Variants in WBP2NL observed in about 807,000 individuals in gnomAD.
WBP2NL encodes the protein WBP2 N-terminal like, also known as postacrosomal sheath WW domain-binding protein.
A neutral mutation model predicts 23.3 loss-of-function variants in WBP2NL; 27 were observed. The ratio of observed to expected loss-of-function variants is 1.16; its 90% CI spans 0.85 to 1.60. The LOEUF (loss-of-function observed/expected upper bound fraction) is 1.60. WBP2NL is among the 40% of genes most tolerant of loss of function. The probability of loss-of-function intolerance (pLI) is 0.00; values close to 1 mark genes in which losing one functional copy is unlikely to be tolerated. For missense variants in WBP2NL, 370 were observed against 389.5 expected (o/e 0.95, Z 0.42); for synonymous variants, 151 against 145.9 (o/e 1.03, Z -0.25).
intron 5 of WBP2NL, among the ~76,000 whole-genome samples, chr22:42,026,014 G>T (rs529697328): frequency 1.4e-4 from 22 of 152,268 alleles, no homozygotes; most frequent in Non-Finnish European, 1.5e-4. Flanking sequence ...GCTCACGCCT[G>T]TAATCCCAGC....
chr22:42,046,032 A>G (rs12157906), intron 8 of WBP2NL, among the ~76,000 whole-genome samples: 14 of 152,310 alleles, frequency 9.2e-5, no homozygotes, highest in African/African-American at 3.1e-4. Context: ...CCAATGTGTA[A>G]TATTTAAACT....
rs1457844683 is a variant in WBP2NL, at chr22:42,028,019, T to C, written c.*838T>C. 2.5e-6 allele frequency: 1 copy of C among 398,406 alleles called. No individual in the cohort carries two copies. Among genetic ancestry groups the C allele is most frequent in the Non-Finnish European group, 4.4e-6 (1 of 226,040 alleles). The allele number at this position is 398,406 out of a possible 1,614,324, so 24.7% of individuals were successfully genotyped here. On this transcript the variant is annotated 3_prime_UTR_variant, in exon 6 of 6. Coordinates refer to ENST00000328823, the MANE Select transcript of WBP2NL (RefSeq NM_152613.3). ...AAAGATTTACAAATATTAAAACTCT[T>C]GATATGGCACTTTCACATTTTAAAA...
At chr22:42,054,216 C>T (rs1180404380) in intron 8 of WBP2NL, among the ~76,000 whole-genome samples, 1 of 151,910 alleles carries the variant, frequency 6.6e-6, no homozygotes, top group Non-Finnish European at 1.5e-5. Flanking sequence ...GAGACAGAGT[C>T]TCACACTGTC....
downstream of WBP2NL, among the ~76,000 whole-genome samples, chr22:42,034,783 A>G (rs1427517498): frequency 6.6e-6 from 1 of 152,210 alleles, no homozygotes; most frequent in Non-Finnish European, 1.5e-5. Flanking sequence ...ATGCTGAGAA[A>G]GGAATTCAGT....
intron 1 of WBP2NL, among the ~76,000 whole-genome samples, chr22:42,013,843 C>T (rs750576939): frequency 6.6e-6 from 1 of 151,444 alleles, no homozygotes; most frequent in South Asian, 2.1e-4. Flanking sequence ...TGCATTGGTG[C>T]GATCTCAGTT....
chr22:42,044,300 G>T (rs774275310), intron 8 of WBP2NL, among the ~76,000 whole-genome samples: 1 of 151,764 alleles, frequency 6.6e-6, no homozygotes, highest in South Asian at 2.1e-4. Flanking sequence ...TGAACTCCTG[G>T]CCTGAAGCGA....
chr22:41,999,034 C>G (rs1025161843), intron 1 of WBP2NL, among the ~76,000 whole-genome samples, 154 bp downstream of exon 1: 2 of 152,058 alleles, frequency 1.3e-5, no homozygotes, highest in Non-Finnish European at 1.5e-5. Context: ...GCGCGCGCCC[C>G]TCACTGGTGT....
chr22:42,056,749 G>A (rs1307389286), intron 8 of WBP2NL, among the ~76,000 whole-genome samples: 1 of 151,718 alleles, frequency 6.6e-6, no homozygotes, highest in African/African-American at 2.4e-5. Flanking sequence ...ATATATTTAT[G>A]GAGTACATGA....
At chr22:42,010,618 C>T (rs1373182193) in intron 1 of WBP2NL, among the ~76,000 whole-genome samples, 6 of 152,004 alleles carry the variant, frequency 3.9e-5, no homozygotes, top group Non-Finnish European at 8.8e-5. Flanking sequence ...GGCTCACTGC[C>T]AGCTCTGCCT....
At chr22:42,055,719 C>A (rs1310424725) in intron 8 of WBP2NL, among the ~76,000 whole-genome samples, 1 of 151,920 alleles carries the variant, frequency 6.6e-6, no homozygotes, top group Non-Finnish European at 1.5e-5. Context: ...TATTTGGACT[C>A]GTTAGGTATG....
rs143040927 is a variant in WBP2NL at position 42,020,072 on chromosome 22, T to G, written c.382T>G (p.Leu128Val). ...TGGAGATGCCATTGAATTTGCCCAG[T>G]TGATGGTGAAAGCTGCCTCTGCTGG... ...RNGDAIEFAQ[L>V]MVKAASAAAR... Residue 128 changes from leucine to valine, a missense_variant, in exon 4 of 6, where the codon TTG becomes GTG. Transcript: ENST00000328823. 125 of 1,614,146 alleles carry G rather than the reference T, an allele frequency of 7.7e-5. No homozygotes were observed. The African/African-American group carries it at 1.6e-3, about 20-fold the overall frequency.
At chr22:42,031,988 C>T (rs1371301665), downstream of WBP2NL, 9 of 152,162 alleles carry the variant, frequency 5.9e-5, no homozygotes, top group Non-Finnish European at 1.2e-4. Context: ...CGGCCTGTGC[C>T]TGGCCGATTT....
At chr22:42,004,701 A>G (rs1284119599) in intron 1 of WBP2NL, among the ~76,000 whole-genome samples, 2 of 152,078 alleles carry the variant, frequency 1.3e-5, no homozygotes, top group East Asian at 1.9e-4. Context: ...AAGTGGGTGT[A>G]TTGCTTGAGG....
chr22:42,057,887 A>AT (rs1926119485), intron 8 of WBP2NL, among the ~76,000 whole-genome samples: 1 of 18,232 alleles, frequency 5.5e-5, no homozygotes, highest in African/African-American at 2.2e-4. Context: ...ATATATATAT[A>AT]TATATATATA....
intron 8 of WBP2NL, among the ~76,000 whole-genome samples, chr22:42,050,305 A>G (rs1925790844): frequency 6.6e-6 from 1 of 151,870 alleles, no homozygotes; most frequent in Admixed American, 6.6e-5. Flanking sequence ...AAAACAAACG[A>G]AAAATCCAAC....
intron 8 of WBP2NL, among the ~76,000 whole-genome samples, chr22:42,053,232 C>T (rs139454471): frequency 1.3e-5 from 2 of 152,260 alleles, no homozygotes; most frequent in East Asian, 1.9e-4. Flanking sequence ...AGTTGATAGA[C>T]GTTTGAGTTG....
intron 1 of WBP2NL, among the ~76,000 whole-genome samples, chr22:41,999,127 C>T (rs963068493): frequency 2.3e-5 from 3 of 132,466 alleles, no homozygotes; most frequent in Non-Finnish European, 4.8e-5. Flanking sequence ...CTTTTCAAGG[C>T]GCGGGGCCCA....
intron 1 of WBP2NL, among the ~76,000 whole-genome samples, chr22:42,000,212 T>C (rs190299813): frequency 2.6e-5 from 4 of 152,338 alleles, no homozygotes; most frequent in Non-Finnish European, 4.4e-5. Flanking sequence ...ATCCAGGTCT[T>C]TCTTCTATCT....
downstream of WBP2NL, chr22:42,032,674 C>T (rs765924858): frequency 6.6e-6 from 3 of 452,662 alleles, no homozygotes; most frequent in South Asian, 4.9e-5. Context: ...TGATATTCTT[C>T]CTGGCCTTTG....
Sources: allele counts gnomAD v4.1 joint callset (sites outside exome capture counted in the v4.1 genomes callset), GRCh38; gene constraint gnomAD v4.1.1; transcripts MANE v1.5; gene names NCBI Gene and HGNC (gene_info 2026-07-23, HGNC 2026-07-21).